The following AGBL1 variants were observed in gnomAD, a reference collection of about 807,000 sequenced individuals.
AGBL1 encodes cytosolic carboxypeptidase 4.
A neutral mutation model predicts 118.9 loss-of-function variants in AGBL1; 130 were observed. The observed-to-expected ratio is 1.09, with a 90% CI of 0.95 to 1.26. The LOEUF is 1.26. AGBL1 is among the 50% of genes most tolerant of loss of function. AGBL1 has a pLI of 0.00. For missense variants in AGBL1, 1,584 were observed against 1,298.1 expected (o/e 1.22, Z -3.38); for synonymous variants, 555 against 478.9 (o/e 1.16, Z -2.08).
At chr15:86,364,393 T>G (rs2080848717) in intron 17 of AGBL1, among the ~76,000 whole-genome samples, 1 of 152,116 alleles carries the variant, frequency 6.6e-6, no homozygotes. Context: ...AGTCAGAGAG[T>G]TAGTAAGCAT....
chr15:86,648,320 G>T (rs11853216), intron 21 of AGBL1, among the ~76,000 whole-genome samples: 11,874 of 152,152 alleles, frequency 0.078, 595 homozygotes, highest in South Asian at 0.089. Flanking sequence ...CTTGAGAGTG[G>T]TGAGGATCAG....
intron 21 of AGBL1, 93 bp from the exon 22 acceptor site, chr15:86,674,180 C>T: frequency 3.4e-6 from 4 of 1,180,128 alleles, no homozygotes; most frequent in South Asian, 1.5e-5. Flanking sequence ...CTGAAAAATG[C>T]CTGTGTGTAG....
chr15:86,406,829 AT>A (rs150998210), intron 18 of AGBL1, among the ~76,000 whole-genome samples: 151 of 152,344 alleles, frequency 9.9e-4, no homozygotes, highest in African/African-American at 3.3e-3. Context: ...AGTTTTAAAA[AT>A]AACCATCTTT....
intron 21 of AGBL1, among the ~76,000 whole-genome samples, chr15:86,643,171 C>T (rs1269718770): frequency 6.6e-6 from 1 of 151,984 alleles, no homozygotes. Flanking sequence ...TCCTTATAAG[C>T]TCATATAAAA....
chr15:86,217,811 A>G (rs2078214061), intron 5 of AGBL1, among the ~76,000 whole-genome samples: 1 of 151,636 alleles, frequency 6.6e-6, no homozygotes, highest in African/African-American at 2.4e-5. Context: ...TGCCAGATTC[A>G]GTAGGGCCTC....
At chr15:86,097,033 C>G (rs150295536) in intron 1 of AGBL1, among the ~76,000 whole-genome samples, 1 of 152,266 alleles carries the variant, frequency 6.6e-6, no homozygotes, top group East Asian at 1.9e-4. Flanking sequence ...CTGAGACGCT[C>G]AAACCTGCAG....
chr15:86,123,030 T>A (rs1359908593), intron 1 of AGBL1, among the ~76,000 whole-genome samples: 5 of 152,106 alleles, frequency 3.3e-5, no homozygotes, highest in Admixed American at 1.3e-4. Context: ...ATTTGACATA[T>A]CTTGAAATGG....
intron 18 of AGBL1, among the ~76,000 whole-genome samples, chr15:86,426,949 A>T (rs565316794): frequency 6.6e-6 from 1 of 152,284 alleles, no homozygotes; most frequent in East Asian, 1.9e-4. Context: ...TACTTTTAGT[A>T]GAGTCAGGGT....
chr15:86,599,263 G>C (rs540780922), intron 21 of AGBL1, among the ~76,000 whole-genome samples: 3,852 of 152,090 alleles, frequency 0.025, 155 homozygotes, highest in African/African-American at 0.087. Context: ...ATAGTCATAT[G>C]TTTTTCCCCT....
chr15:86,922,385 G>A (rs577669665), intron 23 of AGBL1, among the ~76,000 whole-genome samples: 15 of 152,280 alleles, frequency 9.9e-5, no homozygotes, highest in South Asian at 2.1e-4. Context: ...CCGCCTCCTG[G>A]GTTCAAGAAA....
intron 17 of AGBL1, among the ~76,000 whole-genome samples, chr15:86,323,280 ATCTTAT>A (rs1477915416): frequency 2.0e-5 from 3 of 151,936 alleles, no homozygotes; most frequent in Admixed American, 6.6e-5. Flanking sequence ...TATTTTTCAT[ATCTTAT>A]TCTTAGGGTG....
rs191065111 is a variant in AGBL1 at position 86,719,129 on chromosome 15, A to G, written c.3158+44693A>G. ...AGTAAGTGATAGAGCAAATATAACA[A>G]GAAAAAATATGTAAGCATTTGAGAA... On this transcript the variant is annotated intron_variant, in intron 22 of 22. Coordinates refer to ENST00000614907, the MANE Select transcript of AGBL1 (RefSeq NM_001386094.1). 1.8e-3 allele frequency among the ~76,000 whole-genome samples: 267 copies of G among 152,332 alleles called. 3 individuals carry two copies. In the East Asian group the frequency reaches 0.022, roughly 13 times the overall value.
At chr15:87,002,763 G>C (rs981614264) in intron 24 of AGBL1, among the ~76,000 whole-genome samples, 5 of 152,150 alleles carry the variant, frequency 3.3e-5, no homozygotes, top group Non-Finnish European at 7.3e-5. Context: ...GTTCACTCAT[G>C]ATTTGGCTCT....
chr15:87,028,764 A>G lies in AGBL1; in HGVS notation c.3324-61A>G. 1.8e-5 allele frequency: 27 copies of G among 1,533,572 alleles called. 1 individual carries two copies. The South Asian group carries it at 2.6e-4, about 15-fold the overall frequency. 95.0% of individuals were successfully genotyped at this position (1,533,572 alleles called of 1,614,324 possible). On this transcript the variant is annotated intron_variant, in intron 24 of 24. Coordinates refer to the AGBL1 transcript ENST00000441037. The stretch of plus-strand genomic sequence containing the variant: ...AAGGTCAATTTGCCAAACTTGTGGC[A>G]CAAACCAGAAGTTACACGGCTTCAA...
Position 86,700,181 on chromosome 15 carries a change from T to C in AGBL1, c.3158+25745T>C, listed in dbSNP as rs143585451. Among the ~76,000 whole-genome samples, 363 of 152,216 alleles carry C rather than the reference T, an allele frequency of 2.4e-3. 9 individuals are homozygous for C. In the East Asian group the frequency reaches 0.059, roughly 25 times the overall value. ...ATTCAAGGATTACTTTTTTCTTCAG[T>C]GACTTATACTTCATTATTATCATTA... On this transcript the variant is annotated intron_variant, in intron 22 of 22. Transcript: ENST00000614907.
intron 1 of AGBL1, among the ~76,000 whole-genome samples, chr15:86,131,466 C>T (rs2076817552): frequency 6.6e-6 from 1 of 151,944 alleles, no homozygotes; most frequent in Non-Finnish European, 1.5e-5. Context: ...TGCTATATTT[C>T]AAAATTCAAT....
At chr15:86,878,339 A>G (rs539774034) in intron 22 of AGBL1, among the ~76,000 whole-genome samples, 3 of 152,258 alleles carry the variant, frequency 2.0e-5, no homozygotes, top group South Asian at 2.1e-4. Flanking sequence ...AGACAATACA[A>G]TGGGCATGGC....
At chr15:86,265,858 C>G (rs922408631) in intron 11 of AGBL1, among the ~76,000 whole-genome samples, 1 of 152,158 alleles carries the variant, frequency 6.6e-6, no homozygotes, top group Non-Finnish European at 1.5e-5. Context: ...CTTTCTCTCT[C>G]TTAGTTAAAT....
rs2346709 is a variant in AGBL1 at position 86,615,374 on chromosome 15, T to G, written c.2995-58899T>G. Among the ~76,000 whole-genome samples the G allele has an allele frequency of 0.34, 51,347 of 151,928 alleles. 10,127 individuals are homozygous for G. The highest frequency in any genetic ancestry group is 0.46 in the Middle Eastern group (135 of 292). ...CATCTGAGAGCTCTTCAGGAGTAGG[T>G]TTGATGCAGGTGGTGTCCAGTGGGA... On this transcript the variant is annotated intron_variant, in intron 21 of 22. Coordinates refer to ENST00000614907, the MANE Select transcript of AGBL1 (RefSeq NM_001386094.1). This position sits in a 1 kb window ranked among gnomAD's most constrained non-coding sequence, Gnocchi z 4.3.
Sources: gnomAD v4.1 joint callset for allele counts (sites outside exome capture counted in the v4.1 genomes callset) on GRCh38, gnomAD v4.1.1 for gene constraint, Gnocchi (gnomAD v3.1) non-coding constraint, MANE v1.5 for transcripts, NCBI Gene and HGNC (gene_info 2026-07-23, HGNC 2026-07-21) for gene names.